Variants in PIK3C2G observed in about 807,000 individuals in gnomAD.
PIK3C2G encodes the protein phosphatidylinositol 3-kinase C2 domain-containing subunit gamma.
A neutral mutation model predicts 181.1 loss-of-function variants in PIK3C2G; 168 were observed. The observed-to-expected ratio is 0.93, with a 90% CI of 0.82 to 1.05. The LOEUF (loss-of-function observed/expected upper bound fraction) is 1.05. PIK3C2G is among the 50% of genes least tolerant of loss of function. The pLI is 0.00. For synonymous variants in PIK3C2G, 573 were observed against 592.2 expected (o/e 0.97, Z 0.47); for missense variants, 1,869 against 1,732.8 (o/e 1.08, Z -1.40).
chr12:18,488,712 A>G (rs1056466658), intron 19 of PIK3C2G, 83 bp downstream of exon 19: 1 of 859,022 alleles, frequency 1.2e-6, no homozygotes, highest in African/African-American at 1.8e-5. Context: ...TTGCAAAGCA[A>G]ATTCCTTGAT....
intron 31 of PIK3C2G, among the ~76,000 whole-genome samples, chr12:18,636,437 G>C (rs911941035): frequency 2.6e-5 from 4 of 152,072 alleles, no homozygotes; most frequent in South Asian, 2.1e-4. Context: ...CTCCATGTTG[G>C]TCAGGCTGGT....
At chr12:18,474,562 T>C (rs1183817612) in intron 18 of PIK3C2G, among the ~76,000 whole-genome samples, 1 of 152,098 alleles carries the variant, frequency 6.6e-6, no homozygotes, top group Non-Finnish European at 1.5e-5. Flanking sequence ...TAAAAAATCA[T>C]TACAAAGTAA....
At chr12:18,364,081 T>A (rs1443113231) in intron 12 of PIK3C2G, among the ~76,000 whole-genome samples, 1 of 152,316 alleles carries the variant, frequency 6.6e-6, no homozygotes, top group Non-Finnish European at 1.5e-5. Context: ...CACAAGGCCT[T>A]TTGTAGTGTG....
intron 26 of PIK3C2G, among the ~76,000 whole-genome samples, chr12:18,559,974 A>G (rs1169777): frequency 0.044 from 6,619 of 150,166 alleles, 332 homozygotes; most frequent in African/African-American, 0.12. Context: ...CTCACAAGTA[A>G]CTGGGATTAC....
intron 29 of PIK3C2G, among the ~76,000 whole-genome samples, chr12:18,576,544 G>A (rs959108180): frequency 1.3e-5 from 2 of 152,066 alleles, no homozygotes; most frequent in African/African-American, 4.8e-5. Context: ...AGTAGTAGGA[G>A]GAAACAAAGA....
At chr12:18,255,252 T>TAAGC (rs1555136298) in intron 1 of PIK3C2G, among the ~76,000 whole-genome samples, 11 of 143,648 alleles carry the variant, frequency 7.7e-5, no homozygotes, top group African/African-American at 2.9e-4. Flanking sequence ...AATAAATAAA[T>TAAGC]AAACAAACAA....
intron 18 of PIK3C2G, among the ~76,000 whole-genome samples, chr12:18,456,229 A>G (rs1305833135): frequency 2.0e-5 from 3 of 152,156 alleles, no homozygotes; most frequent in Non-Finnish European, 4.4e-5. Context: ...GTCTGGGGTA[A>G]ATACCTGAGG....
At chr12:18,476,870 T>C (rs1431213185) in intron 18 of PIK3C2G, among the ~76,000 whole-genome samples, 2 of 150,826 alleles carry the variant, frequency 1.3e-5, no homozygotes, top group African/African-American at 4.9e-5. Context: ...TGGTCTGGAT[T>C]GAAAAAAAAA....
In PIK3C2G at chr12:18,603,745, C is replaced by T. The variant is rs144693302; in HGVS notation, c.4088-5790C>T. Among the ~76,000 whole-genome samples the T allele has an allele frequency of 4.5e-3, 679 of 152,222 alleles. 8 individuals are homozygous for T. In the East Asian group the frequency reaches 0.052, roughly 12 times the overall value. On this transcript the variant is annotated intron_variant, in intron 30 of 32. Coordinates refer to ENST00000538779, the MANE Select transcript of PIK3C2G (RefSeq NM_001288772.2). ...CCTCCTAAAACAAAACAATTATCAGCCAAGAGTTTTGTATCCAGCGAAACT... is the reference window on the plus strand; with the variant it reads ...CCTCCTAAAACAAAACAATTATCAGTCAAGAGTTTTGTATCCAGCGAAACT...
intron 31 of PIK3C2G, among the ~76,000 whole-genome samples, chr12:18,612,660 T>G (rs1948403124): frequency 6.6e-6 from 1 of 152,162 alleles, no homozygotes; most frequent in Non-Finnish European, 1.5e-5. Flanking sequence ...ATTCTCAACA[T>G]ATTTTATTTG....
intron 2 of PIK3C2G, among the ~76,000 whole-genome samples, chr12:18,286,010 G>GA (rs1276931995): frequency 6.6e-6 from 1 of 151,668 alleles, no homozygotes; most frequent in Non-Finnish European, 1.5e-5. Context: ...CATTCAATCA[G>GA]AAAAAAATGC....
the PIK3C2G span, among the ~76,000 whole-genome samples, chr12:18,681,052 T>C: frequency 6.6e-6 from 1 of 152,064 alleles, no homozygotes; most frequent in Non-Finnish European, 1.5e-5. Flanking sequence ...GATTCCGGAA[T>C]GTTCTTGTCT....
chr12:18,595,575 T>G (rs954513951), intron 30 of PIK3C2G, among the ~76,000 whole-genome samples: 1 of 152,126 alleles, frequency 6.6e-6, no homozygotes, highest in African/African-American at 2.4e-5. Flanking sequence ...GGGAGAACAA[T>G]TGAGGAATTT....
In PIK3C2G at chr12:18,346,664, G is replaced by C; in HGVS notation, c.1453G>C (p.Glu485Gln). 6 of 1,611,738 alleles carry C rather than the reference G, an allele frequency of 3.7e-6. No individual in the cohort carries two copies. The highest frequency in any genetic ancestry group is 5.1e-6 in the Non-Finnish European group (6 of 1,178,432). ...AGGCTTGATAGAGAAGGTAACAACT[G>C]AACTATCCACATCCATCTACCAGCT... ...AKGLIEKVTT[E>Q]LSTSIYQLIN... is the part of the protein sequence containing the mutation. The change falls in exon 11 of 33, where the codon GAA (glutamate) becomes CAA (glutamine). Residue 485 changes from glutamate (E) to glutamine (Q), a missense_variant. By Grantham distance (29) the Glu-to-Gln change is conservative (BLOSUM62 2). Transcript: ENST00000538779.
chr12:18,312,416 A>C (rs1950677420), intron 5 of PIK3C2G, among the ~76,000 whole-genome samples: 1 of 152,224 alleles, frequency 6.6e-6, no homozygotes, highest in African/African-American at 2.4e-5. Flanking sequence ...TTTGAAAGCA[A>C]GATGGGTCAC....
chr12:18,357,969 A>G (rs1324719621), intron 11 of PIK3C2G, among the ~76,000 whole-genome samples: 1 of 152,220 alleles, frequency 6.6e-6, no homozygotes, highest in Admixed American at 6.5e-5. Flanking sequence ...TTGTATGTAT[A>G]TACCATGTTT....
rs1268701734 is a variant in PIK3C2G at position 18,648,204 on chromosome 12, T to C, written c.*176T>C. ...TGTTTATTTTCTACCTGTGCTTTCATTGTTTTTTCATAATCTTTTCTCCTT... is the reference window on the plus strand; with the variant it reads ...TGTTTATTTTCTACCTGTGCTTTCACTGTTTTTTCATAATCTTTTCTCCTT... On this transcript the variant is annotated 3_prime_UTR_variant, in exon 33 of 33. Transcript: ENST00000538779. 7 of 361,802 alleles carry C rather than the reference T, an allele frequency of 1.9e-5. No individual in the cohort carries two copies. The highest frequency in any genetic ancestry group is 4.0e-5 in the East Asian group (1 of 25,064). 22.4% of individuals were successfully genotyped at this position (361,802 alleles called of 1,614,324 possible).
chr12:18,302,753 A>C (rs1950228228), intron 5 of PIK3C2G, among the ~76,000 whole-genome samples: 1 of 152,098 alleles, frequency 6.6e-6, no homozygotes, highest in Non-Finnish European at 1.5e-5. Flanking sequence ...GAGGTGTAGC[A>C]CTAGATAGGG....
chr12:18,683,416 G>A, the PIK3C2G span: 8 of 1,464,764 alleles, frequency 5.5e-6, no homozygotes, highest in East Asian at 1.4e-4. Flanking sequence ...TCTTTACTAA[G>A]CCTACATTAA....
Sources: allele counts gnomAD v4.1 joint callset (sites outside exome capture counted in the v4.1 genomes callset), GRCh38; gene constraint gnomAD v4.1.1; transcripts MANE v1.5; gene names NCBI Gene and HGNC (gene_info 2026-07-23, HGNC 2026-07-21).